DBNL: variants seen among roughly 807,000 people sequenced by gnomAD.
The protein encoded by DBNL is drebrin-like protein.
DBNL carries 35 observed loss-of-function variants against 62.2 expected under a neutral mutation model. The observed-to-expected ratio is 0.56, with a 90% CI of 0.43 to 0.75. The LOEUF is 0.75. Ranked by LOEUF, DBNL falls within the 30% of genes least tolerant of loss-of-function variation. DBNL has a pLI of 0.00. For missense variants in DBNL, 495 were observed against 578.4 expected, an observed-to-expected ratio of 0.86 and a Z score of 1.48; for synonymous variants, 197 against 218.0, an observed-to-expected ratio of 0.90 and a Z score of 0.85.
At chr7:44,045,050 C>G (rs1585972401) in intron 1 of DBNL, among the ~76,000 whole-genome samples, 1 of 152,204 alleles carries the variant, frequency 6.6e-6, no homozygotes, top group African/African-American at 2.4e-5. Context: ...TTGGGGGGAC[C>G]CAGTGAGTCC....
chr7:44,060,241 C>T lies in DBNL; in HGVS notation c.1153+88C>T. 8.4e-7 allele frequency: 1 copy of T among 1,194,158 alleles called. No individual in the cohort carries two copies. Among genetic ancestry groups the T allele is most frequent in the Admixed American group, 2.1e-5 (1 of 47,170 alleles). 74.0% of individuals were successfully genotyped at this position (1,194,158 alleles called of 1,614,324 possible). A position where few individuals can be genotyped will look rare whatever the true frequency, so the allele number is the denominator to read the frequency against. On this transcript the variant is annotated intron_variant, in intron 12 of 12. Transcript: ENST00000448521. This position sits in a 1 kb window ranked among gnomAD's most constrained non-coding sequence, Gnocchi z 6.3. ...CTGGGGTTTTATGGGAAGATGGCAC[C>T]AGGGGGTATCAGGAAGAGAAGACAG...
chr7:44,055,099 T>C (rs924417286), intron 4 of DBNL, among the ~76,000 whole-genome samples: 1 of 152,246 alleles, frequency 6.6e-6, no homozygotes, highest in Non-Finnish European at 1.5e-5. Flanking sequence ...CAGAGTTGGA[T>C]ATATCCCCAG....
chr7:44,051,655 T>G, intron 2 of DBNL, 175 bp from the exon 3 acceptor site: 1 of 587,198 alleles, frequency 1.7e-6, no homozygotes, highest in East Asian at 2.9e-5. Flanking sequence ...CATCAATCAG[T>G]TTAGTGAGGG....
Position 44,062,439 on chromosome 7 carries a change from G to A in DBNL, c.*1523G>A, listed in dbSNP as rs2096151004. 7.8e-6 allele frequency: 3 copies of A among 383,390 alleles called. No homozygotes were observed. Among genetic ancestry groups the A allele is most frequent in the African/African-American group, 4.1e-5 (2 of 48,238 alleles). The allele number at this position is 383,390 out of a possible 1,614,324, so 23.7% of individuals were successfully genotyped here. The stretch of plus-strand genomic sequence containing the variant: ...GTCCTTGCTCCCCATGGGGAGAGCT[G>A]GGTCACTTGGCCTCTTCTAACTGGC... On this transcript the variant is annotated 3_prime_UTR_variant, in exon 13 of 13. Transcript: ENST00000448521.
At position 44,060,014 on chromosome 7, in the gene DBNL, A is replaced by G; in HGVS notation, c.1048-34A>G. On this transcript the variant is annotated intron_variant, in intron 11 of 12. Coordinates refer to ENST00000448521, the MANE Select transcript of DBNL (RefSeq NM_001014436.3). The surrounding 1 kb of genome is among the most constrained non-coding windows in gnomAD (Gnocchi z 6.3). ...GAGCAGCGATTGTGTGTAAGGGCTG[A>G]GTCTGGGGTAACACCTTTGTCATCC... 7 of 1,597,172 alleles carry G rather than the reference A, an allele frequency of 4.4e-6. No individual in the cohort carries two copies. The highest frequency in any genetic ancestry group is 6.0e-6 in the Non-Finnish European group (7 of 1,167,340).
chr7:44,048,649 C>A (rs2096121384), intron 1 of DBNL, among the ~76,000 whole-genome samples: 1 of 152,220 alleles, frequency 6.6e-6, no homozygotes, highest in South Asian at 2.1e-4. Context: ...GACTGTTTAT[C>A]CCTGGAGCTT....
Position 44,062,000 on chromosome 7 carries a change from A to T in DBNL, c.*1084A>T, listed in dbSNP as rs1459578389. 1 of 153,134 alleles carries T rather than the reference A, an allele frequency of 6.5e-6. No homozygotes were observed. Among genetic ancestry groups the T allele is most frequent in the Non-Finnish European group, 1.5e-5 (1 of 68,770 alleles). The allele number at this position is 153,134 out of a possible 1,614,324, so 9.5% of individuals were successfully genotyped here. Reference sequence around the variant, plus strand: ...TTCAGGGAGCCTCTGCCTACATGGGATGGCCCACTGTGTGGCGTCAGGTAC... The same window carrying T: ...TTCAGGGAGCCTCTGCCTACATGGGTTGGCCCACTGTGTGGCGTCAGGTAC... On this transcript the variant is annotated 3_prime_UTR_variant, in exon 13 of 13. Coordinates refer to ENST00000448521, the MANE Select transcript of DBNL (RefSeq NM_001014436.3).
At position 44,060,718 on chromosome 7, in the gene DBNL, G is replaced by A. The variant is rs546767971; in HGVS notation, c.1154-59G>A. The A allele has an allele frequency of 1.4e-3, 2,203 of 1,589,712 alleles. 2 individuals carry two copies. The highest frequency in any genetic ancestry group is 3.6e-3 in the Admixed American group (211 of 58,656). On this transcript the variant is annotated intron_variant, in intron 12 of 12. Transcript: ENST00000448521. This position sits in a 1 kb window ranked among gnomAD's most constrained non-coding sequence, Gnocchi z 6.3. ...AGTGTGGGGCTGCCGTGGGCTGCCC[G>A]AGCAGGTGGGATGTGGGAGGGAGCC...
In DBNL at chr7:44,046,595, G is replaced by T. The variant is rs151252613; in HGVS notation, c.83+1775G>T. Reference sequence around the variant, plus strand: ...CCCACCCATCTCACTGGACTCATCTGCCCAGACAGCCATGCTATGCTCCCT... The same window carrying T: ...CCCACCCATCTCACTGGACTCATCTTCCCAGACAGCCATGCTATGCTCCCT... On this transcript the variant is annotated intron_variant, in intron 1 of 12. Transcript: ENST00000448521. Among the ~76,000 whole-genome samples, 1,122 of 152,140 alleles carry T rather than the reference G, an allele frequency of 7.4e-3. 15 individuals carry two copies. Among genetic ancestry groups the T allele is most frequent in the African/African-American group, 0.025 (1,044 of 41,492 alleles).
At chr7:44,051,976 A>G (rs903863791) in intron 3 of DBNL, 34 bp downstream of exon 3, 1 of 1,592,840 alleles carries the variant, frequency 6.3e-7, no homozygotes, top group Non-Finnish European at 8.6e-7. Context: ...GGTGTGACCC[A>G]GGAAACCCCA....
chr7:44,064,943 G>A lies in DBNL; in HGVS notation c.*4027G>A, dbSNP rs199977298. The A allele has an allele frequency of 2.1e-5, 34 of 1,609,592 alleles. No homozygotes were observed. Among genetic ancestry groups the A allele is most frequent in the South Asian group, 5.5e-5 (5 of 90,798 alleles). ...TCCTCGTTCCAGAAGGGCAGGGCCC[G>A]GGCAATGGTGTCCTTGAGGCTCTCG... On this transcript the variant is annotated 3_prime_UTR_variant, in exon 13 of 13. Coordinates refer to ENST00000448521, the MANE Select transcript of DBNL (RefSeq NM_001014436.3).
At position 44,064,371 on chromosome 7, in the gene DBNL, T is replaced by C; in HGVS notation, c.*3455T>C. 4.5e-6 allele frequency: 1 copy of C among 222,438 alleles called. No homozygotes were observed. The highest frequency in any genetic ancestry group is 9.1e-6 in the Non-Finnish European group (1 of 109,952). 13.8% of individuals were successfully genotyped at this position (222,438 alleles called of 1,614,324 possible). A position where few individuals can be genotyped will look rare whatever the true frequency, so the allele number is the denominator to read the frequency against. On this transcript the variant is annotated 3_prime_UTR_variant, in exon 13 of 13. Transcript: ENST00000448521. ...AGCTCATGCAGGGATTCTGAGGACC[T>C]GATGGGGGAGGGCCCTGCGAGGGGT...
Position 44,066,022 on chromosome 7 carries a change from C to A in DBNL, c.*5106C>A. 1 of 262,314 alleles carries A rather than the reference C, an allele frequency of 3.8e-6. No individual in the cohort carries two copies. Among genetic ancestry groups the A allele is most frequent in the East Asian group, 9.1e-5 (1 of 11,022 alleles). The allele number at this position is 262,314 out of a possible 1,614,324, so 16.2% of individuals were successfully genotyped here. A position where few individuals can be genotyped will look rare whatever the true frequency, so the allele number is the denominator to read the frequency against. Reference sequence around the variant, plus strand: ...GCCCTCAGCAGGCAGAGGAGGAGAGCCAGAGGAGCTGGTGCAGACCACAGC... The same window carrying A: ...GCCCTCAGCAGGCAGAGGAGGAGAGACAGAGGAGCTGGTGCAGACCACAGC... On this transcript the variant is annotated 3_prime_UTR_variant, in exon 13 of 13. Transcript: ENST00000448521.
rs781122713 is a variant in DBNL, at chr7:44,058,480, G to T, written c.753G>T (p.Gln251His). Residue 251 changes from glutamine (Q) to histidine (H), a missense_variant and splice_region_variant, in exon 8 of 13, where the codon CAG becomes CAT. Gln to His is a conservative substitution (Grantham distance 24, BLOSUM62 0). Coordinates refer to ENST00000448521, the MANE Select transcript of DBNL (RefSeq NM_001014436.3). ...TGGTTTCAAGGAACCGAAATGAGCAGGTAAGATGGGGGTGCTCTACTTGTT... is the reference window on the plus strand; with the variant it reads ...TGGTTTCAAGGAACCGAAATGAGCATGTAAGATGGGGGTGCTCTACTTGTT... ...QEVVSRNRNEQESAVHPREIF... is the reference protein window; with the variant it reads ...QEVVSRNRNEHESAVHPREIF... 3 of 1,614,042 alleles carry T rather than the reference G, an allele frequency of 1.9e-6. No individual in the cohort carries two copies. Among genetic ancestry groups the T allele is most frequent in the Non-Finnish European group, 2.5e-6 (3 of 1,180,022 alleles).
At chr7:44,050,892 C>T (rs1488831146) in intron 2 of DBNL, 1 of 152,496 alleles carries the variant, frequency 6.6e-6, no homozygotes, top group South Asian at 2.1e-4. Flanking sequence ...GACATGGCTT[C>T]ATTGTTCAAT....
chr7:44,046,623 C>T (rs2096117737), intron 1 of DBNL, among the ~76,000 whole-genome samples: 1 of 152,224 alleles, frequency 6.6e-6, no homozygotes, highest in African/African-American at 2.4e-5. Context: ...TGCTCCCTCC[C>T]TACCTCCAGG....
Position 44,057,783 on chromosome 7 carries a change from G to C in DBNL, c.476G>C (p.Gly159Ala), listed in dbSNP as rs1425448399. ...FQDVGPQAPV[G>A]SVYQKTNAVS... Reference sequence around the variant, plus strand: ...TCTAATGAGTGCTGTCCCCTACAGGGCTCTGTGTACCAGAAGACCAATGCC... The same window carrying C: ...TCTAATGAGTGCTGTCCCCTACAGGCCTCTGTGTACCAGAAGACCAATGCC... The change falls in exon 6 of 13, where the codon GGC becomes GCC. Residue 159 changes from glycine to alanine, a missense_variant and splice_region_variant. By Grantham distance (60) the Gly-to-Ala change is moderately conservative (BLOSUM62 0). Transcript: ENST00000448521. 1.2e-6 allele frequency: 2 copies of C among 1,614,064 alleles called. No individual in the cohort carries two copies. Among genetic ancestry groups the C allele is most frequent in the Admixed American group, 3.3e-5 (2 of 60,006 alleles).
intron 1 of DBNL, among the ~76,000 whole-genome samples, chr7:44,046,791 A>G (rs1256277282): frequency 1.3e-5 from 2 of 152,112 alleles, no homozygotes; most frequent in Non-Finnish European, 2.9e-5. Context: ...CGTGTCTGTA[A>G]CTCTACAGTG....
chr7:44,046,687 C>T (rs1402033231), intron 1 of DBNL, among the ~76,000 whole-genome samples: 1 of 152,222 alleles, frequency 6.6e-6, no homozygotes, highest in African/African-American at 2.4e-5. Context: ...CTGACCTCCA[C>T]CCTCATCGTC....
Sources: allele counts gnomAD v4.1 joint callset (sites outside exome capture counted in the v4.1 genomes callset), GRCh38; gene constraint gnomAD v4.1.1; non-coding constraint Gnocchi (gnomAD v3.1); transcripts MANE v1.5; gene names NCBI Gene and HGNC (gene_info 2026-07-23, HGNC 2026-07-21).